ERC1: variants seen among roughly 807,000 people sequenced by gnomAD.
ERC1 encodes ELKS/RAB6-interacting/CAST family member 1.
In ERC1, 56 loss-of-function variants were observed where a neutral mutation model predicts 132.0. The ratio of observed to expected loss-of-function variants is 0.42; its 90% CI spans 0.34 to 0.53. The LOEUF is 0.53. Among genes scored for constraint, ERC1 ranks in the 20% least tolerant of loss-of-function variants. The probability of loss-of-function intolerance (pLI) is 0.03; values close to 1 mark genes in which losing one functional copy is unlikely to be tolerated. For synonymous variants in ERC1, 478 were observed against 476.1 expected (o/e 1.00, Z -0.05); for missense variants, 1,202 against 1,349.9 (o/e 0.89, Z 1.72).
At chr12:1,481,525 G>C (rs115016223) in intron 18 of ERC1, among the ~76,000 whole-genome samples, 1 of 152,304 alleles carries the variant, frequency 6.6e-6, no homozygotes, top group Non-Finnish European at 1.5e-5. Context: ...AATGGATCAA[G>C]CGCCAATGAA....
rs572027718 is a variant in ERC1 at position 1,417,048 on chromosome 12, T to G, written c.3024+8801T>G. Among the ~76,000 whole-genome samples the G allele has an allele frequency of 2.6e-5, 4 of 152,310 alleles. No homozygotes were observed. The East Asian group carries it at 7.7e-4, about 29-fold the overall frequency. ...TTCAACTCTGGATTCAAACTATTCT[T>G]GCACAACCTGAACTCCAGTTTAATA... On this transcript the variant is annotated intron_variant, in intron 17 of 18. Coordinates refer to ENST00000360905, the MANE Select transcript of ERC1 (RefSeq NM_178040.4).
chr12:1,240,299 T>A (rs1188959704), intron 13 of ERC1, among the ~76,000 whole-genome samples: 1 of 152,172 alleles, frequency 6.6e-6, no homozygotes. Flanking sequence ...TTTTGATAGT[T>A]TATTGAAGCT....
At chr12:1,366,525 G>A (rs1031205103) in intron 15 of ERC1, among the ~76,000 whole-genome samples, 2 of 152,186 alleles carry the variant, frequency 1.3e-5, no homozygotes, top group South Asian at 2.1e-4. Context: ...AAAACACATA[G>A]CAGCTCTATG....
intron 8 of ERC1, among the ~76,000 whole-genome samples, chr12:1,173,852 G>T (rs990078310): frequency 3.3e-5 from 5 of 152,246 alleles, no homozygotes; most frequent in Non-Finnish European, 5.9e-5. Flanking sequence ...GGAGCCTTCA[G>T]TGGGGCTCAG....
Position 1,413,422 on chromosome 12 carries a change from CA to C in ERC1, c.3024+5176del, listed in dbSNP as rs2091948917. 1.3e-5 allele frequency among the ~76,000 whole-genome samples: 2 copies of C among 151,946 alleles called. 1 individual carries two copies. Among genetic ancestry groups the C allele is most frequent in the Admixed American group, 1.3e-4 (2 of 15,262 alleles). ...CAGGCTGGCCAGCATGACAAAACCC[CA>C]TCTCTACTAAAAATACAAAAATTAG... On this transcript the variant is annotated intron_variant, in intron 17 of 18. Transcript: ENST00000360905.
chr12:1,181,941 G>A lies in ERC1; in HGVS notation c.1892G>A (p.Arg631His), dbSNP rs138512011. The part of the protein sequence containing the change: ...ALAEKERTIE[R>H]LKEQRDRDER... ...TCTCATCAGGAGCGGACAATTGAAC[G>A]CTTAAAGGAGCAGAGGGACAGAGAT... The change falls in exon 10 of 19, where the codon CGC becomes CAC. Residue 631 changes from arginine to histidine, a missense_variant. Physicochemically the swap from Arg to His is conservative, Grantham distance 29 (BLOSUM62 0). Coordinates refer to ENST00000360905, the MANE Select transcript of ERC1 (RefSeq NM_178040.4). 306 of 1,613,560 alleles carry A rather than the reference G, an allele frequency of 1.9e-4. 1 individual carries two copies. The highest frequency in any genetic ancestry group is 3.2e-4 in the South Asian group (29 of 91,014).
At chr12:1,434,461 A>G (rs1399235386) in intron 17 of ERC1, among the ~76,000 whole-genome samples, 2 of 152,174 alleles carry the variant, frequency 1.3e-5, no homozygotes, top group Non-Finnish European at 2.9e-5. Flanking sequence ...TGTGTACACC[A>G]TGTACCCCTT....
intron 13 of ERC1, among the ~76,000 whole-genome samples, chr12:1,238,040 T>C (rs1331158133): frequency 6.6e-6 from 1 of 152,198 alleles, no homozygotes; most frequent in East Asian, 1.9e-4. Context: ...ATTATGTTTA[T>C]AGAAAAAGTA....
chr12:1,236,987 C>T, intron 13 of ERC1, 83 bp downstream of exon 13: 2 of 1,512,908 alleles, frequency 1.3e-6, no homozygotes, highest in Non-Finnish European at 1.8e-6. Flanking sequence ...TCATCTTTAT[C>T]CTCCTCTTTT....
intron 13 of ERC1, among the ~76,000 whole-genome samples, chr12:1,245,443 A>T (rs1393452435): frequency 6.6e-6 from 1 of 152,186 alleles, no homozygotes; most frequent in African/African-American, 2.4e-5. Flanking sequence ...TGTAGCATCC[A>T]TTCCTTTATT....
intron 10 of ERC1, among the ~76,000 whole-genome samples, chr12:1,182,647 AG>A (rs1371705771): frequency 1.3e-5 from 2 of 148,910 alleles, no homozygotes; most frequent in African/African-American, 5.2e-5. Flanking sequence ...TTCTTTTAAT[AG>A]GGAAAAATGT....
At chr12:1,400,933 T>A (rs1235467238) in intron 16 of ERC1, among the ~76,000 whole-genome samples, 11 of 105,616 alleles carry the variant, frequency 1.0e-4, no homozygotes, top group African/African-American at 3.8e-4. Context: ...TTTTTTTTTT[T>A]TTTTTTTTTT....
chr12:1,157,568 G>T (rs944771799), intron 8 of ERC1, among the ~76,000 whole-genome samples: 3 of 152,148 alleles, frequency 2.0e-5, no homozygotes, highest in African/African-American at 7.2e-5. Context: ...TATCAGATTA[G>T]TAGATTGTTT....
chr12:1,176,833 T>G (rs1439559490), intron 8 of ERC1, among the ~76,000 whole-genome samples: 1 of 152,238 alleles, frequency 6.6e-6, no homozygotes, highest in Non-Finnish European at 1.5e-5. Flanking sequence ...AAAAGGCTGT[T>G]TCATCTATTA....
intron 16 of ERC1, among the ~76,000 whole-genome samples, chr12:1,375,939 G>C (rs2087858929): frequency 6.6e-6 from 1 of 151,850 alleles, no homozygotes; most frequent in Non-Finnish European, 1.5e-5. Flanking sequence ...GGTTTCACCA[G>C]CTTGGCCAGG....
At chr12:1,060,722 A>G (rs1027541721) in intron 2 of ERC1, among the ~76,000 whole-genome samples, 4 of 94,880 alleles carry the variant, frequency 4.2e-5, no homozygotes, top group African/African-American at 1.7e-4. Flanking sequence ...ATAACGTGGG[A>G]AATTTTTTTT....
chr12:1,224,551 A>G (rs2369703), intron 12 of ERC1, among the ~76,000 whole-genome samples: 29,523 of 152,196 alleles, frequency 0.19, 3,413 homozygotes, highest in Non-Finnish European at 0.27. Context: ...TACTTTGTAT[A>G]TCTAGTCTGA....
intron 16 of ERC1, among the ~76,000 whole-genome samples, chr12:1,398,530 A>G (rs2090736898): frequency 6.6e-6 from 1 of 152,128 alleles, no homozygotes; most frequent in African/African-American, 2.4e-5. Context: ...TTAACCAATA[A>G]TTTTCTCCCT....
chr12:1,394,453 G>T (rs2090361957), intron 16 of ERC1, among the ~76,000 whole-genome samples: 2 of 152,120 alleles, frequency 1.3e-5, no homozygotes, highest in African/African-American at 2.4e-5. Flanking sequence ...CGTGGCCTCT[G>T]TATCTGTAAA....
Sources: gnomAD v4.1 joint callset for allele counts (sites outside exome capture counted in the v4.1 genomes callset) on GRCh38, gnomAD v4.1.1 for gene constraint, MANE v1.5 for transcripts, NCBI Gene and HGNC (gene_info 2026-07-23, HGNC 2026-07-21) for gene names.